The following TRAPPC9 variants were observed in gnomAD, a reference collection of about 807,000 sequenced individuals.
TRAPPC9 encodes trafficking protein particle complex subunit 9, also known as IKK2 binding protein.
A neutral mutation model predicts 124.0 loss-of-function variants in TRAPPC9; 83 were observed. The ratio of observed to expected loss-of-function variants is 0.67; its 90% CI spans 0.56 to 0.80. The LOEUF is 0.80. Ranked by LOEUF, TRAPPC9 falls within the 30% of genes least tolerant of loss-of-function variation. The pLI, the probability that TRAPPC9 is intolerant of heterozygous loss-of-function variation, is 0.00. For synonymous variants in TRAPPC9, 638 were observed against 617.5 expected, an observed-to-expected ratio of 1.03 and a Z score of -0.49; for missense variants, 1,302 against 1,508.3, an observed-to-expected ratio of 0.86 and a Z score of 2.27.
In TRAPPC9 at chr8:139,804,465, TCAC is replaced by T. The variant is rs1189182226; in HGVS notation, c.3056-72266_3056-72264del. On this transcript the variant is annotated intron_variant, in intron 21 of 22. Transcript: ENST00000438773. ...CACCACCACTCACCACCACCACCACTCACCACCACCACCAAACACCACCACCAC... is the reference window on the plus strand; with the variant it reads ...CACCACCACTCACCACCACCACCACTCACCACCACCAAACACCACCACCAC... 1.8e-4 allele frequency among the ~76,000 whole-genome samples: 5 copies of T among 27,854 alleles called. No homozygotes were observed. In the South Asian group the frequency reaches 3.8e-3, roughly 21 times the overall value. The allele number at this position is 27,854 out of a possible 152,430, so 18.3% of individuals were successfully genotyped here.
intron 21 of TRAPPC9, among the ~76,000 whole-genome samples, chr8:139,789,557 G>A (rs935267388): frequency 6.6e-6 from 1 of 152,086 alleles, no homozygotes; most frequent in African/African-American, 2.4e-5. Flanking sequence ...GCTTCCTATG[G>A]GCCCAGCATT....
intron 11 of TRAPPC9, among the ~76,000 whole-genome samples, chr8:140,293,680 A>G (rs892546709): frequency 1.3e-5 from 2 of 151,890 alleles, no homozygotes; most frequent in Non-Finnish European, 2.9e-5. Context: ...ACACATGGAC[A>G]CAGGAAGGGG....
intron 21 of TRAPPC9, among the ~76,000 whole-genome samples, chr8:139,862,885 T>C (rs999540310): frequency 4.6e-5 from 7 of 152,156 alleles, no homozygotes; most frequent in African/African-American, 7.2e-5. Flanking sequence ...TGTACAGACA[T>C]GTGTGCTCCG....
At chr8:139,807,538 A>G (rs1294438511) in intron 21 of TRAPPC9, among the ~76,000 whole-genome samples, 1 of 152,210 alleles carries the variant, frequency 6.6e-6, no homozygotes, top group Non-Finnish European at 1.5e-5. Flanking sequence ...AAAATCTGCA[A>G]GGAAAACGCA....
chr8:140,061,740 G>T (rs534466827), intron 17 of TRAPPC9, among the ~76,000 whole-genome samples: 4 of 152,338 alleles, frequency 2.6e-5, no homozygotes, highest in Admixed American at 2.0e-4. Context: ...CTGGACGGAA[G>T]GGGGAGAGGC....
At chr8:140,234,725 C>T (rs576518011) in intron 16 of TRAPPC9, among the ~76,000 whole-genome samples, 1 of 152,286 alleles carries the variant, frequency 6.6e-6, no homozygotes, top group Admixed American at 6.5e-5. Context: ...AATTCCAAAT[C>T]TTCTATAATT....
chr8:140,187,663 C>T (rs1461328395), intron 17 of TRAPPC9, among the ~76,000 whole-genome samples: 1 of 152,136 alleles, frequency 6.6e-6, no homozygotes, highest in Admixed American at 6.6e-5. Flanking sequence ...TCCTCGTCGT[C>T]CTGGCCTTTC....
At chr8:140,077,685 T>A (rs1237396380) in intron 17 of TRAPPC9, among the ~76,000 whole-genome samples, 1 of 152,124 alleles carries the variant, frequency 6.6e-6, no homozygotes, top group Non-Finnish European at 1.5e-5. Flanking sequence ...CTTCCCACTG[T>A]GGACATCAGG....
intron 21 of TRAPPC9, among the ~76,000 whole-genome samples, chr8:139,836,778 A>C (rs1826385461): frequency 6.6e-6 from 1 of 152,222 alleles, no homozygotes; most frequent in Non-Finnish European, 1.5e-5. Flanking sequence ...GATGCTTCTA[A>C]TTGGAGATAC....
intron 19 of TRAPPC9, chr8:139,914,088 C>G (rs548535688): frequency 1.3e-5 from 2 of 152,560 alleles, no homozygotes; most frequent in East Asian, 3.9e-4. Flanking sequence ...GGCCGGCTGC[C>G]CTGGTAGGTG....
intron 21 of TRAPPC9, among the ~76,000 whole-genome samples, chr8:139,837,506 C>A (rs1411538798): frequency 6.6e-6 from 1 of 152,230 alleles, no homozygotes; most frequent in Non-Finnish European, 1.5e-5. Context: ...CGCTCCCCCA[C>A]CAGCCCCCTG....
chr8:139,846,275 T>C (rs529756339), intron 21 of TRAPPC9, among the ~76,000 whole-genome samples: 179 of 152,304 alleles, frequency 1.2e-3, no homozygotes, highest in African/African-American at 4.1e-3. Context: ...CAATCCCAGA[T>C]TGAACTGAGC....
At chr8:140,016,225 A>G (rs972635525) in intron 18 of TRAPPC9, among the ~76,000 whole-genome samples, 6 of 152,248 alleles carry the variant, frequency 3.9e-5, no homozygotes, top group African/African-American at 1.4e-4. Context: ...TGAAGTGTAT[A>G]CTAGTCTGAT....
chr8:139,889,942 A>C (rs146767508), intron 20 of TRAPPC9, among the ~76,000 whole-genome samples: 4 of 152,338 alleles, frequency 2.6e-5, no homozygotes, highest in Non-Finnish European at 5.9e-5. Flanking sequence ...GTCAGGCTGC[A>C]TCTCCATGAG....
chr8:140,008,815 T>C (rs1364378739), intron 18 of TRAPPC9, among the ~76,000 whole-genome samples: 1 of 152,260 alleles, frequency 6.6e-6, no homozygotes, highest in Non-Finnish European at 1.5e-5. Context: ...ATGTGGCGTT[T>C]AAGATAATTC....
intron 21 of TRAPPC9, among the ~76,000 whole-genome samples, chr8:139,806,683 G>A (rs961800959): frequency 9.9e-5 from 15 of 152,224 alleles, no homozygotes; most frequent in African/African-American, 3.6e-4. Flanking sequence ...CCAGGCACCT[G>A]CTGTTCTGCT....
chr8:139,792,243 G>A (rs1369563047), intron 21 of TRAPPC9, among the ~76,000 whole-genome samples: 1 of 152,124 alleles, frequency 6.6e-6, no homozygotes, highest in Non-Finnish European at 1.5e-5. Flanking sequence ...GGGTGGCCAG[G>A]GGAGTAGGGG....
chr8:139,778,609 T>G (rs1343556590), intron 21 of TRAPPC9, among the ~76,000 whole-genome samples: 1 of 152,178 alleles, frequency 6.6e-6, no homozygotes, highest in African/African-American at 2.4e-5. Context: ...TGAACTTATG[T>G]CAATGAAATA....
intron 7 of TRAPPC9, among the ~76,000 whole-genome samples, chr8:140,393,525 C>G (rs1296360269): frequency 1.3e-5 from 2 of 152,136 alleles, no homozygotes; most frequent in Non-Finnish European, 2.9e-5. Flanking sequence ...ACAGGTCAAT[C>G]CATATCCCTG....
Sources: gnomAD v4.1 joint callset for allele counts (sites outside exome capture counted in the v4.1 genomes callset) on GRCh38, gnomAD v4.1.1 for gene constraint, MANE v1.5 for transcripts, NCBI Gene and HGNC (gene_info 2026-07-23, HGNC 2026-07-21) for gene names.